Variants in SLIT1 observed in about 807,000 individuals in gnomAD.
SLIT1 encodes the protein slit homolog 1 protein.
SLIT1 carries 66 observed loss-of-function variants against 186.1 expected under a neutral mutation model. The observed-to-expected ratio is 0.35, with a 90% CI of 0.29 to 0.44. The LOEUF (loss-of-function observed/expected upper bound fraction) is 0.44, where lower values mean the gene tolerates loss of function less well. SLIT1 is among the 20% of genes least tolerant of loss of function. SLIT1 has a pLI of 1.00. For synonymous variants in SLIT1, 761 were observed against 833.8 expected (o/e 0.91, Z 1.50); for missense variants, 1,638 against 2,037.4 (o/e 0.80, Z 3.77).
At chr10:97,072,658 G>A (rs1849010492) in intron 4 of SLIT1, among the ~76,000 whole-genome samples, 1 of 152,216 alleles carries the variant, frequency 6.6e-6, no homozygotes, top group African/African-American at 2.4e-5. Flanking sequence ...ATGAAGACAG[G>A]AAAGTGAATT....
At chr10:97,100,445 G>T (rs1197722112) in intron 4 of SLIT1, among the ~76,000 whole-genome samples, 1 of 152,054 alleles carries the variant, frequency 6.6e-6, no homozygotes, top group Non-Finnish European at 1.5e-5. Context: ...CCAACATGGT[G>T]AAACGCTGTC....
At chr10:97,079,321 C>G (rs969584876) in intron 4 of SLIT1, among the ~76,000 whole-genome samples, 1 of 152,142 alleles carries the variant, frequency 6.6e-6, no homozygotes, top group East Asian at 1.9e-4. Context: ...CTTCTAGGAA[C>G]TCATGATGTT....
chr10:97,046,775 A>G lies in SLIT1; in HGVS notation c.1732T>C (p.Ser578Pro), dbSNP rs1564661259. 3 of 1,612,396 alleles carry G rather than the reference A, an allele frequency of 1.9e-6. No individual in the cohort carries two copies. Among genetic ancestry groups the G allele is most frequent in the Non-Finnish European group, 2.5e-6 (3 of 1,180,022 alleles). Reference protein sequence around the residue: ...KKINLSNNKVSEIEDGAFEGA... With the variant: ...KKINLSNNKVPEIEDGAFEGA... Reference sequence around the variant, plus strand: ...TCGAAGGCCCCATCTTCAATTTCTGACACCTTGTTGTTGCTCAGATTGCTG... The same window carrying G: ...TCGAAGGCCCCATCTTCAATTTCTGGCACCTTGTTGTTGCTCAGATTGCTG... Residue 578 changes from serine to proline, a missense_variant, in exon 18 of 37, where the codon TCA (serine) becomes CCA (proline). By Grantham distance (74) the Ser-to-Pro change is moderately conservative. Transcript: ENST00000266058.
chr10:97,150,158 C>T (rs952159371), intron 4 of SLIT1, among the ~76,000 whole-genome samples: 3 of 152,046 alleles, frequency 2.0e-5, no homozygotes, highest in East Asian at 1.9e-4. Context: ...TGGGGAGGGG[C>T]GGCTGGGAGC....
At position 97,014,026 on chromosome 10, in the gene SLIT1, C is replaced by T. The variant is rs1848432917; in HGVS notation, c.3102G>A (p.Gln1034=). Residue 1034 remains glutamine, a synonymous_variant, in exon 29 of 37, where the codon CAG becomes CAA. Coordinates refer to ENST00000266058, the MANE Select transcript of SLIT1 (RefSeq NM_003061.3). ...VGNYTCQCPL[Q]YEGKACEQLV... The stretch of plus-strand genomic sequence containing the variant: ...CTGCCCTGACGCACTTACCCTCATA[C>T]TGCAGGGGGCACTGGCAGGTGTAGT... 6.2e-7 allele frequency: 1 copy of T among 1,613,514 alleles called. No homozygotes were observed. The highest frequency in any genetic ancestry group is 8.5e-7 in the Non-Finnish European group (1 of 1,180,002).
chr10:97,126,443 C>T (rs1849604368), intron 4 of SLIT1, among the ~76,000 whole-genome samples: 1 of 152,160 alleles, frequency 6.6e-6, no homozygotes, highest in Non-Finnish European at 1.5e-5. Flanking sequence ...TGGCCTTTTC[C>T]TGAGAGGTTC....
chr10:97,107,285 T>C (rs1849424102), intron 4 of SLIT1, among the ~76,000 whole-genome samples: 1 of 152,244 alleles, frequency 6.6e-6, no homozygotes, highest in Admixed American at 6.5e-5. Context: ...ACATGCTTTG[T>C]CAACGGTAAC....
chr10:97,014,260 A>G, intron 28 of SLIT1, 102 bp from the exon 29 acceptor site: 1 of 1,385,784 alleles, frequency 7.2e-7, no homozygotes, highest in Non-Finnish European at 1.0e-6. Flanking sequence ...TAGGGTCCCT[A>G]ATCCCGGCCA....
At chr10:97,096,069 A>G (rs1303707084) in intron 4 of SLIT1, among the ~76,000 whole-genome samples, 1 of 152,014 alleles carries the variant, frequency 6.6e-6, no homozygotes, top group Non-Finnish European at 1.5e-5. Context: ...TCTCACCCTG[A>G]GTGAGGCTGG....
intron 4 of SLIT1, among the ~76,000 whole-genome samples, chr10:97,156,295 T>A (rs1468069163): frequency 6.6e-6 from 1 of 152,138 alleles, no homozygotes. Context: ...GACAAAAGCT[T>A]GGCCAGGTGC....
At chr10:97,169,005 C>T (rs1464124550) in intron 1 of SLIT1, among the ~76,000 whole-genome samples, 1 of 152,158 alleles carries the variant, frequency 6.6e-6, no homozygotes, top group East Asian at 1.9e-4. Context: ...TCTCTTCTCA[C>T]CCTTTTGTAC....
rs1290955475 is a variant in SLIT1, at chr10:97,021,480, G to A, written c.2583-67C>T. 1.7e-5 allele frequency: 26 copies of A among 1,507,842 alleles called. No individual in the cohort carries two copies. The African/African-American group carries it at 3.0e-4, about 18-fold the overall frequency. 93.4% of individuals were successfully genotyped at this position (1,507,842 alleles called of 1,614,324 possible). A position where few individuals can be genotyped will look rare whatever the true frequency, so the allele number is the denominator to read the frequency against. ...GGGTCCCTCGCCCACTGGGAACCTA[G>A]AGTCCCAGGCACTGCACCAGGGGCT... On this transcript the variant is annotated intron_variant, in intron 25 of 36. Coordinates refer to ENST00000266058, the MANE Select transcript of SLIT1 (RefSeq NM_003061.3). The surrounding 1 kb of genome is among the most constrained non-coding windows in gnomAD (Gnocchi z 4.5).
chr10:97,019,989 T>A (rs778044536), intron 26 of SLIT1, among the ~76,000 whole-genome samples: 7 of 152,020 alleles, frequency 4.6e-5, no homozygotes, highest in Non-Finnish European at 1.0e-4. Context: ...TTTATTTTTT[T>A]TTTTAGACAG....
intron 2 of SLIT1, among the ~76,000 whole-genome samples, chr10:97,164,369 G>T (rs903161976): frequency 1.3e-4 from 20 of 152,146 alleles, no homozygotes; most frequent in Non-Finnish European, 2.4e-4. Flanking sequence ...TGGAGGCCTG[G>T]GGGCAGAGGG....
chr10:97,136,023 G>A (rs562534371), intron 4 of SLIT1, among the ~76,000 whole-genome samples: 14 of 152,040 alleles, frequency 9.2e-5, no homozygotes, highest in Non-Finnish European at 1.5e-4. Flanking sequence ...TGGGGCCCTC[G>A]GGCTGACTAA....
chr10:97,147,626 A>C (rs1317393858), intron 4 of SLIT1, among the ~76,000 whole-genome samples: 2 of 146,442 alleles, frequency 1.4e-5, no homozygotes, highest in Non-Finnish European at 3.0e-5. Flanking sequence ...AGGTTCAGAG[A>C]GCTGGGAGGG....
chr10:97,114,201 G>C (rs995015729), intron 4 of SLIT1, among the ~76,000 whole-genome samples: 6 of 152,210 alleles, frequency 3.9e-5, no homozygotes, highest in African/African-American at 1.4e-4. Context: ...GCAACACTTA[G>C]GTTCAACATG....
chr10:97,166,655 G>C (rs1418333619), intron 1 of SLIT1, among the ~76,000 whole-genome samples: 1 of 150,220 alleles, frequency 6.7e-6, no homozygotes, highest in Non-Finnish European at 1.5e-5. Context: ...GAAAGGAAAA[G>C]AAAAGAAAAG....
At chr10:97,113,055 C>T (rs921959093) in intron 4 of SLIT1, among the ~76,000 whole-genome samples, 6 of 152,086 alleles carry the variant, frequency 3.9e-5, no homozygotes. Context: ...GGAATTTAGA[C>T]CTGAAAGGTA....
Sources: gnomAD v4.1 joint callset for allele counts (sites outside exome capture counted in the v4.1 genomes callset) on GRCh38, gnomAD v4.1.1 for gene constraint, Gnocchi (gnomAD v3.1) non-coding constraint, MANE v1.5 for transcripts, NCBI Gene and HGNC (gene_info 2026-07-23, HGNC 2026-07-21) for gene names.